The following RCBTB2 variants were observed in gnomAD, a reference collection of about 807,000 sequenced individuals.
RCBTB2 encodes RCC1 and BTB domain containing protein 2.
A neutral mutation model predicts 65.4 loss-of-function variants in RCBTB2; 55 were observed. That is an observed-to-expected ratio of 0.84 (90% CI 0.68 to 1.05). The LOEUF (loss-of-function observed/expected upper bound fraction) is 1.05. Among genes scored for constraint, RCBTB2 ranks in the 50% least tolerant of loss-of-function variants. RCBTB2 has a pLI of 0.00. For missense variants in RCBTB2, 599 were observed against 680.1 expected, an observed-to-expected ratio of 0.88 and a Z score of 1.33; for synonymous variants, 220 against 255.2, an observed-to-expected ratio of 0.86 and a Z score of 1.31.
chr13:48,527,361 T>TATATGATATATATATATGATATA, intron 1 of RCBTB2, among the ~76,000 whole-genome samples: 8 of 112,428 alleles, frequency 7.1e-5, no homozygotes, highest in African/African-American at 3.9e-4. Flanking sequence ...TGATATATAT[T>TATATGATATATATATATGATATA]TATATATGAT....
intron 1 of RCBTB2, among the ~76,000 whole-genome samples, chr13:48,527,371 T>TATATATATGATATATATATATG (rs1566337744): frequency 8.7e-5 from 12 of 138,710 alleles, no homozygotes; most frequent in African/African-American, 2.4e-4. Flanking sequence ...TTATATATGA[T>TATATATATGATATATATATATG]ATATATATAT....
chr13:48,502,949 G>A, intron 10 of RCBTB2, 35 bp from the exon 11 acceptor site: 4 of 1,494,266 alleles, frequency 2.7e-6, no homozygotes, highest in Non-Finnish European at 3.6e-6. Context: ...TAAGCACAGT[G>A]ACCGGGGCAG....
Position 48,502,737 on chromosome 13 carries a change from G to A in RCBTB2, c.1104C>T (p.Arg368=). ...ACFATPAVTW[R]LLSVEPDDHL... is the part of the protein sequence containing the mutation. Reference sequence around the variant, plus strand: ...TGACCAGCTTACCCACGGAGAGGAGGCGCCACGTGACGGCGGGCGTGGCAA... The same window carrying A: ...TGACCAGCTTACCCACGGAGAGGAGACGCCACGTGACGGCGGGCGTGGCAA... The change falls in exon 11 of 15, where the codon CGC becomes CGT. Residue 368 remains arginine, a synonymous_variant. Transcript: ENST00000344532. The A allele has an allele frequency of 1.9e-6, 3 of 1,611,798 alleles. No homozygotes were observed. Among genetic ancestry groups the A allele is most frequent in the South Asian group, 1.1e-5 (1 of 90,896 alleles).
At chr13:48,516,244 AG>A (rs1566309608) in intron 4 of RCBTB2, among the ~76,000 whole-genome samples, 1 of 152,234 alleles carries the variant, frequency 6.6e-6, no homozygotes. Context: ...CTTCAGTTTA[AG>A]GAATTGGTGG....
At chr13:48,525,902 G>A (rs1211442840) in intron 1 of RCBTB2, among the ~76,000 whole-genome samples, 1 of 152,138 alleles carries the variant, frequency 6.6e-6, no homozygotes. Flanking sequence ...CTATTTTAAT[G>A]TGTTATGGAT....
At chr13:48,504,390 CCT>C (rs1344839200) in intron 10 of RCBTB2, 7 of 933,086 alleles carry the variant, frequency 7.5e-6, no homozygotes, top group East Asian at 2.3e-4. Context: ...GTCCACACAC[CCT>C]GTTTCAACAA....
Position 48,510,222 on chromosome 13 carries a change from C to G in RCBTB2, c.926+407G>C, listed in dbSNP as rs6561449. Among the ~76,000 whole-genome samples the G allele has an allele frequency of 6.7e-3, 1,021 of 152,246 alleles. 20 individuals carry two copies. Among genetic ancestry groups the G allele is most frequent in the African/African-American group, 0.024 (978 of 41,530 alleles). ...GGCAAATTTCCATGTAGCTGAGTGA[C>G]CAGCTTTATACCCCATGCAAGGTAC... On this transcript the variant is annotated intron_variant, in intron 10 of 14. Coordinates refer to ENST00000344532, the MANE Select transcript of RCBTB2 (RefSeq NM_001268.4).
intron 1 of RCBTB2, among the ~76,000 whole-genome samples, chr13:48,527,345 T>TG (rs1566337127): frequency 4.8e-5 from 6 of 123,724 alleles, no homozygotes; most frequent in African/African-American, 3.1e-4. Context: ...ATGATATATA[T>TG]ATATATGATA....
chr13:48,492,763 G>T (rs898683841), intron 14 of RCBTB2, among the ~76,000 whole-genome samples: 7 of 152,248 alleles, frequency 4.6e-5, no homozygotes, highest in South Asian at 2.1e-4. Flanking sequence ...AGTCTCCTTT[G>T]CTGGTGTCTC....
Position 48,512,937 on chromosome 13 carries a change from A to G in RCBTB2, c.350-42T>C, listed in dbSNP as rs372271541. 4.0e-5 allele frequency: 60 copies of G among 1,509,274 alleles called. No individual in the cohort carries two copies. In the African/African-American group the frequency reaches 5.0e-4, roughly 13 times the overall value. The allele number at this position is 1,509,274 out of a possible 1,614,324, so 93.5% of individuals were successfully genotyped here. A position where few individuals can be genotyped will look rare whatever the true frequency, so the allele number is the denominator to read the frequency against. On this transcript the variant is annotated intron_variant, in intron 6 of 14. Coordinates refer to ENST00000344532, the MANE Select transcript of RCBTB2 (RefSeq NM_001268.4). The stretch of plus-strand genomic sequence containing the variant: ...AGACAATCAGTTTTTTACAACATCT[A>G]CTTCATTATACGAAAATATATGTAG...
At chr13:48,508,907 T>C (rs186369574) in intron 10 of RCBTB2, among the ~76,000 whole-genome samples, 9 of 152,218 alleles carry the variant, frequency 5.9e-5, no homozygotes, top group Admixed American at 1.3e-4. Flanking sequence ...ATCAGAAGCC[T>C]TGGGTGATCA....
intron 10 of RCBTB2, 90 bp from the exon 11 acceptor site, chr13:48,503,004 C>T (rs1950315518): frequency 1.5e-6 from 2 of 1,327,170 alleles, no homozygotes; most frequent in Admixed American, 3.3e-5. Context: ...TGATGTGGGA[C>T]ATCATAAAAT....
At position 48,527,322 on chromosome 13, in the gene RCBTB2, T is replaced by TATATATATATG. The variant is rs1555310599; in HGVS notation, c.-218-2566_-218-2565insCATATATATAT. Among the ~76,000 whole-genome samples, 319 of 123,382 alleles carry TATATATATATG rather than the reference T, an allele frequency of 2.6e-3. 6 individuals carry two copies. Among genetic ancestry groups the TATATATATATG allele is most frequent in the African/African-American group, 0.014 (300 of 21,282 alleles). 80.9% of individuals were successfully genotyped at this position (123,382 alleles called of 152,430 possible). A position where few individuals can be genotyped will look rare whatever the true frequency, so the allele number is the denominator to read the frequency against. ...GTTTTGGGATATATGACTTGGCTCA[T>TATATATATATG]ATATATATATATATGATATATATAT... On this transcript the variant is annotated intron_variant, in intron 1 of 14. Coordinates refer to ENST00000344532, the MANE Select transcript of RCBTB2 (RefSeq NM_001268.4).
chr13:48,506,545 G>C (rs1339524476), intron 10 of RCBTB2, among the ~76,000 whole-genome samples: 1 of 152,162 alleles, frequency 6.6e-6, no homozygotes, highest in African/African-American at 2.4e-5. Context: ...GCGGAAGGTG[G>C]CCCAGGGGAT....
Position 48,499,628 on chromosome 13 carries a change from C to A in RCBTB2, c.1377G>T (p.Glu459Asp), listed in dbSNP as rs776265220. The A allele has an allele frequency of 6.2e-7, 1 of 1,613,840 alleles. No individual in the cohort carries two copies. Among genetic ancestry groups the A allele is most frequent in the Non-Finnish European group, 8.5e-7 (1 of 1,179,964 alleles). ...YTDSISLSPEEAVGLLDLATF... is the reference protein window; with the variant it reads ...YTDSISLSPEDAVGLLDLATF... ...GAAGTCTTTGGCAATTACCTACTGC[C>A]TCCTCAGGAGAAAGGCTGATGCTGT... The change falls in exon 13 of 15, where the codon GAG becomes GAT. Residue 459 changes from glutamate (E) to aspartate (D), a missense_variant. Physicochemically the swap from Glu to Asp is conservative, Grantham distance 45 (BLOSUM62 2). Transcript: ENST00000344532.
intron 13 of RCBTB2, among the ~76,000 whole-genome samples, chr13:48,498,346 A>G (rs907822434): frequency 6.6e-6 from 1 of 152,242 alleles, no homozygotes; most frequent in African/African-American, 2.4e-5. Context: ...AGCTTGACAT[A>G]TAACTTTAAG....
intron 13 of RCBTB2, among the ~76,000 whole-genome samples, chr13:48,496,818 G>A (rs1331553949): frequency 2.5e-5 from 3 of 120,598 alleles, no homozygotes; most frequent in Admixed American, 8.1e-5. Flanking sequence ...GGGGAGGGGA[G>A]AGGAGGGGAG....
chr13:48,523,657 G>A (rs889669393), intron 2 of RCBTB2, among the ~76,000 whole-genome samples: 1 of 152,100 alleles, frequency 6.6e-6, no homozygotes, highest in Non-Finnish European at 1.5e-5. Context: ...GAAAGAGGGA[G>A]AGAAGAGAAA....
intron 8 of RCBTB2, 62 bp from the exon 9 acceptor site, chr13:48,511,939 T>C (rs1280629015): frequency 5.6e-6 from 9 of 1,609,486 alleles, no homozygotes; most frequent in South Asian, 3.3e-5. Flanking sequence ...CTGTCTGTTA[T>C]GTGGGACATA....
Sources: allele counts gnomAD v4.1 joint callset (sites outside exome capture counted in the v4.1 genomes callset), GRCh38; gene constraint gnomAD v4.1.1; transcripts MANE v1.5; gene names NCBI Gene and HGNC (gene_info 2026-07-23, HGNC 2026-07-21).